HOXB9: variants seen among roughly 807,000 people sequenced by gnomAD.
HOXB9 encodes homeobox protein Hox-B9.
In HOXB9, 10 loss-of-function variants were observed where a neutral mutation model predicts 21.5. That is an observed-to-expected ratio of 0.47 (90% CI 0.29 to 0.79). The LOEUF is 0.79. Ranked by LOEUF, HOXB9 falls within the 30% of genes least tolerant of loss-of-function variation. The probability of loss-of-function intolerance (pLI) is 0.10; values close to 1 mark genes in which losing one functional copy is unlikely to be tolerated. For missense variants in HOXB9, 375 were observed against 338.7 expected, an observed-to-expected ratio of 1.11 and a Z score of -0.84; for synonymous variants, 156 against 151.2, an observed-to-expected ratio of 1.03 and a Z score of -0.23.
Position 48,625,988 on chromosome 17 carries a change from G to A in HOXB9, c.282C>T (p.Tyr94=), listed in dbSNP as rs1383586589. The part of the protein sequence containing the change: ...PQGVPPAESR[Y]LRTWLEPAPR... ...GCGCCGGCTCCAGCCAGGTGCGGAG[G>A]TACCTGCTCTCGGCCGGCGGGACGC... The change falls in exon 1 of 2, where the codon TAC becomes TAT. Residue 94 remains tyrosine, a synonymous_variant. Transcript: ENST00000311177. The A allele has an allele frequency of 6.5e-7, 1 of 1,547,006 alleles. No individual in the cohort carries two copies. Among genetic ancestry groups the A allele is most frequent in the East Asian group, 2.4e-5 (1 of 42,312 alleles).
rs2070807525 is a variant in HOXB9 at position 48,625,745 on chromosome 17, T to A, written c.517+8A>T. The stretch of plus-strand genomic sequence containing the variant: ...GGCCTGGGTATTTCCTCACTTTTTA[T>A]AACTTACTTTGATCCGGCCTCTCTT... On this transcript the variant is annotated splice_region_variant and intron_variant, in intron 1 of 1. Coordinates refer to ENST00000311177, the MANE Select transcript of HOXB9 (RefSeq NM_024017.5). 4.5e-6 allele frequency: 7 copies of A among 1,547,918 alleles called. No homozygotes were observed. Among genetic ancestry groups the A allele is most frequent in the Non-Finnish European group, 6.1e-6 (7 of 1,147,056 alleles).
Position 48,622,596 on chromosome 17 carries a change from ATTACAGGG to A in HOXB9, c.*296_*303del. ...TGAGGGGCTAGGACTTCCCAGAAAA[ATTACAGGG>A]CATACTAGGAGCTTGACTGGGGTCT... On this transcript the variant is annotated 3_prime_UTR_variant, in exon 2 of 2. Transcript: ENST00000311177. 2.7e-5 allele frequency: 8 copies of A among 298,038 alleles called. No homozygotes were observed. Among genetic ancestry groups the A allele is most frequent in the South Asian group, 8.8e-5 (2 of 22,704 alleles). 18.5% of individuals were successfully genotyped at this position (298,038 alleles called of 1,614,324 possible).
chr17:48,624,777 A>G (rs1313438688), intron 1 of HOXB9, among the ~76,000 whole-genome samples: 2 of 152,096 alleles, frequency 1.3e-5, no homozygotes, highest in Admixed American at 1.3e-4. Context: ...CTTCTCATCT[A>G]GTAGCACCTC....
intron 1 of HOXB9, among the ~76,000 whole-genome samples, chr17:48,623,922 A>C (rs973260742): frequency 6.6e-6 from 1 of 152,150 alleles, no homozygotes; most frequent in Non-Finnish European, 1.5e-5. Flanking sequence ...TGGTTAACGC[A>C]AGTGCAGGGA....
chr17:48,625,768 C>T lies in HOXB9; in HGVS notation c.502G>A (p.Glu168Lys). Residue 168 changes from glutamate to lysine, a missense_variant, in exon 1 of 2, where the codon GAG (glutamate) becomes AAG (lysine). Physicochemically the swap from Glu to Lys is moderately conservative, Grantham distance 56. Transcript: ENST00000311177. ...TATAACTTACTTTGATCCGGCCTCT[C>T]TTTGTCCTCGCTTCCTTCGCAAATT... Reference protein sequence around the residue: ...NKICEGSEDKERPDQTNPSAN... With the variant: ...NKICEGSEDKKRPDQTNPSAN... The T allele has an allele frequency of 6.3e-7, 1 of 1,594,722 alleles. No homozygotes were observed. Among genetic ancestry groups the T allele is most frequent in the Non-Finnish European group, 8.5e-7 (1 of 1,171,034 alleles).
chr17:48,625,962 G>C lies in HOXB9; in HGVS notation c.308C>G (p.Pro103Arg), dbSNP rs2070811506. The C allele has an allele frequency of 6.7e-7, 1 of 1,487,748 alleles. No homozygotes were observed. Among genetic ancestry groups the C allele is most frequent in the Non-Finnish European group, 8.8e-7 (1 of 1,130,294 alleles). The allele number at this position is 1,487,748 out of a possible 1,614,324, so 92.2% of individuals were successfully genotyped here. Residue 103 changes from proline (P) to arginine (R), a missense_variant, in exon 1 of 2, where the codon CCG (proline) becomes CGG (arginine). By Grantham distance (103) the Pro-to-Arg change is moderately radical. Transcript: ENST00000311177. ...CTGCCCCGGGGCCGCTTCGCCGCGCGGCGCCGGCTCCAGCCAGGTGCGGAG... is the reference window on the plus strand; with the variant it reads ...CTGCCCCGGGGCCGCTTCGCCGCGCCGCGCCGGCTCCAGCCAGGTGCGGAG... The part of the protein sequence containing the change: ...RYLRTWLEPA[P>R]RGEAAPGQGQ...
In HOXB9 at chr17:48,623,145, A is replaced by C; in HGVS notation, c.518-10T>G. On this transcript the variant is annotated splice_polypyrimidine_tract_variant and intron_variant, in intron 1 of 1. Transcript: ENST00000311177. Reference sequence around the variant, plus strand: ...TTGGCGGAGGGGTTGGCTGAAAGAGAAGCAGCGATAGAATCAAAGAAAGGA... The same window carrying C: ...TTGGCGGAGGGGTTGGCTGAAAGAGCAGCAGCGATAGAATCAAAGAAAGGA... The C allele has an allele frequency of 6.2e-7, 1 of 1,607,542 alleles. No individual in the cohort carries two copies. Among genetic ancestry groups the C allele is most frequent in the Non-Finnish European group, 8.5e-7 (1 of 1,175,780 alleles).
chr17:48,625,904 C>G lies in HOXB9; in HGVS notation c.366G>C (p.Leu122=), dbSNP rs763251873. ...GTTTGAGCAGCTCCCCAGGCGCGCCCAGCAGCGGCTCCGCCTTCACCGCCG... is the reference window on the plus strand; with the variant it reads ...GTTTGAGCAGCTCCCCAGGCGCGCCGAGCAGCGGCTCCGCCTTCACCGCCG... The part of the protein sequence containing the change: ...GQAAVKAEPL[L]GAPGELLKQG... The change falls in exon 1 of 2, where the codon CTG becomes CTC. Residue 122 remains leucine (L), a synonymous_variant. Transcript: ENST00000311177. 1.3e-4 allele frequency: 203 copies of G among 1,592,692 alleles called. No individual in the cohort carries two copies. The highest frequency in any genetic ancestry group is 1.7e-4 in the Non-Finnish European group (195 of 1,172,794).
rs1023635810 is a variant in HOXB9, at chr17:48,621,565, T to A, written c.*1335A>T. 3.3e-5 allele frequency: 5 copies of A among 152,300 alleles called. No homozygotes were observed. The highest frequency in any genetic ancestry group is 9.6e-5 in the African/African-American group (4 of 41,456). The allele number at this position is 152,300 out of a possible 1,614,324, so 9.4% of individuals were successfully genotyped here. A position where few individuals can be genotyped will look rare whatever the true frequency, so the allele number is the denominator to read the frequency against. On this transcript the variant is annotated 3_prime_UTR_variant, in exon 2 of 2. Coordinates refer to ENST00000311177, the MANE Select transcript of HOXB9 (RefSeq NM_024017.5). The stretch of plus-strand genomic sequence containing the variant: ...CGCGCGCACGCACCAGCCACGCAGA[T>A]CTGCATCCAGGCCCATGAAGCAGGA...
rs756903374 is a variant in HOXB9, at chr17:48,622,915, C to T, written c.738G>A (p.Glu246=). The change falls in exon 2 of 2, where the codon GAG becomes GAA. Residue 246 remains glutamate, a synonymous_variant. Coordinates refer to ENST00000311177, the MANE Select transcript of HOXB9 (RefSeq NM_024017.5). The part of the protein sequence containing the change: ...RRMKMKKMNK[E]QGKE The stretch of plus-strand genomic sequence containing the variant: ...TCTTTAATCTTTACTCTTTGCCCTG[C>T]TCCTTATTCATTTTCTTCATTTTCA... 8 of 1,613,314 alleles carry T rather than the reference C, an allele frequency of 5.0e-6. No individual in the cohort carries two copies. The highest frequency in any genetic ancestry group is 6.8e-6 in the Non-Finnish European group (8 of 1,179,374).
intron 1 of HOXB9, 41 bp downstream of exon 1, chr17:48,625,712 T>C (rs770582746): frequency 2.1e-6 from 3 of 1,430,820 alleles, no homozygotes; most frequent in East Asian, 5.4e-5. Flanking sequence ...GCCCCCCTCC[T>C]GGCCTTCGGC....
chr17:48,625,878 T>G lies in HOXB9; in HGVS notation c.392A>C (p.Gln131Pro), dbSNP rs1467629850. 3 of 1,606,104 alleles carry G rather than the reference T, an allele frequency of 1.9e-6. No individual in the cohort carries two copies. The highest frequency in any genetic ancestry group is 2.5e-6 in the Non-Finnish European group (3 of 1,177,372). The change falls in exon 1 of 2, where the codon CAG becomes CCG. Residue 131 changes from glutamine (Q) to proline (P), a missense_variant. Coordinates refer to ENST00000311177, the MANE Select transcript of HOXB9 (RefSeq NM_024017.5). ...LLGAPGELLKQGTPEYSLETS... is the reference protein window; with the variant it reads ...LLGAPGELLKPGTPEYSLETS... ...TTCCAAACTGTACTCGGGCGTGCCC[T>G]GTTTGAGCAGCTCCCCAGGCGCGCC...
At chr17:48,624,431 G>A (rs996421428) in intron 1 of HOXB9, among the ~76,000 whole-genome samples, 1 of 152,162 alleles carries the variant, frequency 6.6e-6, no homozygotes, top group African/African-American at 2.4e-5. Context: ...TTAGGGTGGG[G>A]GATCTGTTTG....
chr17:48,623,076 T>C lies in HOXB9; in HGVS notation c.577A>G (p.Thr193Ala). 3.1e-6 allele frequency: 5 copies of C among 1,614,170 alleles called. No individual in the cohort carries two copies. Among genetic ancestry groups the C allele is most frequent in the Non-Finnish European group, 3.4e-6 (4 of 1,179,996 alleles). The change falls in exon 2 of 2, where the codon ACC becomes GCC. Residue 193 changes from threonine (T) to alanine (A), a missense_variant. By Grantham distance (58) the Thr-to-Ala change is moderately conservative. Coordinates refer to ENST00000311177, the MANE Select transcript of HOXB9 (RefSeq NM_024017.5). ...TCTAGCTCCAGCGTCTGGTATTTGG[T>C]GTAGGGACAGCGCTTTTTCCGGGAA... is the stretch of plus-strand genomic sequence containing the variant. ...RSSRKKRCPY[T>A]KYQTLELEKE...
At position 48,626,264 on chromosome 17, in the gene HOXB9, G is replaced by A. The variant is rs368783836; in HGVS notation, c.6C>T (p.Ser2=). 77 of 1,591,258 alleles carry A rather than the reference G, an allele frequency of 4.8e-5. No homozygotes were observed. Among genetic ancestry groups the A allele is most frequent in the Non-Finnish European group, 6.6e-5 (77 of 1,174,446 alleles). ...AATAGCTGCTAAGCGTCCCAGAAAT[G>A]GACATTCTCAGACATTATCCGGGCG... is the stretch of plus-strand genomic sequence containing the variant. M[S]ISGTLSSYYV... is the part of the protein sequence containing the mutation. Residue 2 remains serine (S), a synonymous_variant, in exon 1 of 2, where the codon TCC becomes TCT. Coordinates refer to ENST00000311177, the MANE Select transcript of HOXB9 (RefSeq NM_024017.5).
In HOXB9 at chr17:48,625,065, G is replaced by A. The variant is rs529627101; in HGVS notation, c.517+688C>T. On this transcript the variant is annotated intron_variant, in intron 1 of 1. Transcript: ENST00000311177. Reference sequence around the variant, plus strand: ...CGGTAGCCCCTGCGAGGACGCCGAGGAGGAGAGGGGCCACCGGAGGGAAGG... The same window carrying A: ...CGGTAGCCCCTGCGAGGACGCCGAGAAGGAGAGGGGCCACCGGAGGGAAGG... Among the ~76,000 whole-genome samples the A allele has an allele frequency of 1.7e-4, 26 of 152,362 alleles. No homozygotes were observed. In the East Asian group the frequency reaches 2.3e-3, roughly 14 times the overall value.
chr17:48,626,310 G>A lies in HOXB9; in HGVS notation c.-41C>T, dbSNP rs200924925. ...GGGCGCTTGCAGGGGGAAGGGAAGC[G>A]CTCGCGCGGCGGCGCCCAAGCAGGG... On this transcript the variant is annotated 5_prime_UTR_variant, in exon 1 of 2. Coordinates refer to ENST00000311177, the MANE Select transcript of HOXB9 (RefSeq NM_024017.5). The A allele has an allele frequency of 5.2e-6, 8 of 1,539,668 alleles. No homozygotes were observed. In the Admixed American group the frequency reaches 7.6e-5, roughly 15 times the overall value.
Position 48,626,104 on chromosome 17 carries a change from C to T in HOXB9, c.166G>A (p.Ala56Thr), listed in dbSNP as rs1321406258. The part of the protein sequence containing the change: ...EFPSCSFQPK[A>T]PVFGASWAPL... ...GCCCAGGAGGCGCCGAACACCGGCGCTTTGGGCTGGAAGCTGCACGAGGGG... is the reference window on the plus strand; with the variant it reads ...GCCCAGGAGGCGCCGAACACCGGCGTTTTGGGCTGGAAGCTGCACGAGGGG... Residue 56 changes from alanine to threonine, a missense_variant, in exon 1 of 2, where the codon GCG becomes ACG. Ala to Thr is a moderately conservative substitution (Grantham distance 58). Coordinates refer to ENST00000311177, the MANE Select transcript of HOXB9 (RefSeq NM_024017.5). The T allele has an allele frequency of 2.0e-5, 31 of 1,580,634 alleles. No homozygotes were observed. Among genetic ancestry groups the T allele is most frequent in the Non-Finnish European group, 2.6e-5 (31 of 1,169,944 alleles).
chr17:48,626,004 G>A lies in HOXB9; in HGVS notation c.266C>T (p.Pro89Leu). Residue 89 changes from proline to leucine, a missense_variant, in exon 1 of 2, where the codon CCG (proline) becomes CTG (leucine). Transcript: ENST00000311177. ...GGTGCGGAGGTACCTGCTCTCGGCC[G>A]GCGGGACGCCCTGGGGCTGGATGTA... ...HPYIQPQGVP[P>L]AESRYLRTWL... 2 of 1,563,646 alleles carry A rather than the reference G, an allele frequency of 1.3e-6. No individual in the cohort carries two copies.
Sources: gnomAD v4.1 joint callset for allele counts (sites outside exome capture counted in the v4.1 genomes callset) on GRCh38, gnomAD v4.1.1 for gene constraint, MANE v1.5 for transcripts, NCBI Gene and HGNC (gene_info 2026-07-23, HGNC 2026-07-21) for gene names.